PPP1R7: variants seen among roughly 807,000 people sequenced by gnomAD.
PPP1R7 encodes the protein protein phosphatase 1 regulatory subunit 7.
PPP1R7 carries 18 observed loss-of-function variants against 45.2 expected under a neutral mutation model. That is an observed-to-expected ratio of 0.40 (90% CI 0.28 to 0.59). The LOEUF (loss-of-function observed/expected upper bound fraction) is 0.59, where lower values mean the gene tolerates loss of function less well. PPP1R7 is among the 20% of genes least tolerant of loss of function. The probability of loss-of-function intolerance (pLI) is 0.46; values close to 1 mark genes in which losing one functional copy is unlikely to be tolerated. For missense variants in PPP1R7, 314 were observed against 455.8 expected, an observed-to-expected ratio of 0.69 and a Z score of 2.83; for synonymous variants, 181 against 183.4, an observed-to-expected ratio of 0.99 and a Z score of 0.11.
chr2:241,178,141 G>A (rs1245977639), intron 9 of PPP1R7, among the ~76,000 whole-genome samples: 1 of 152,184 alleles, frequency 6.6e-6, no homozygotes, highest in African/African-American at 2.4e-5. Context: ...CACAGGTAGG[G>A]GCTGCTCGAG....
chr2:241,166,533 C>A, intron 8 of PPP1R7, 92 bp downstream of exon 8: 1 of 1,083,990 alleles, frequency 9.2e-7, no homozygotes, highest in Non-Finnish European at 1.4e-6. Flanking sequence ...GCCTCTCGGG[C>A]CGGTGTCAGG....
Position 241,150,475 on chromosome 2 carries a change from G to C in PPP1R7, c.-21G>C. 1 of 1,590,758 alleles carries C rather than the reference G, an allele frequency of 6.3e-7. No homozygotes were observed. On this transcript the variant is annotated 5_prime_UTR_variant, in exon 1 of 10. Transcript: ENST00000234038. ...GAGGGGTCTGAGGCGACAGATTCCGGAAAGGGGAAGAGCAGCCAACATGGC... is the reference window on the plus strand; with the variant it reads ...GAGGGGTCTGAGGCGACAGATTCCGCAAAGGGGAAGAGCAGCCAACATGGC...
Position 241,182,796 on chromosome 2 carries a change from G to A in PPP1R7, c.1056G>A (p.Gln352=). Residue 352 remains glutamine (Q), a synonymous_variant, in exon 10 of 10, where the codon CAG becomes CAA. Coordinates refer to ENST00000234038, the MANE Select transcript of PPP1R7 (RefSeq NM_002712.3). ...KVMLALPSVR[Q]IDATFVRF ...TGCTCGCCCTCCCCTCCGTGCGGCA[G>A]ATCGATGCCACGTTCGTCAGGTTCT... 1 of 1,613,544 alleles carries A rather than the reference G, an allele frequency of 6.2e-7. No individual in the cohort carries two copies. The highest frequency in any genetic ancestry group is 8.5e-7 in the Non-Finnish European group (1 of 1,179,498).
chr2:241,151,149 C>T (rs1048625939), intron 1 of PPP1R7, among the ~76,000 whole-genome samples: 2 of 152,298 alleles, frequency 1.3e-5, no homozygotes. Flanking sequence ...ATATGTTATA[C>T]GTACACATGT....
At chr2:241,168,825 A>AG (rs1394427521) in intron 8 of PPP1R7, among the ~76,000 whole-genome samples, 1 of 152,192 alleles carries the variant, frequency 6.6e-6, no homozygotes, top group African/African-American at 2.4e-5. Flanking sequence ...GGTACATTTC[A>AG]GGGGAGATGG....
intron 9 of PPP1R7, among the ~76,000 whole-genome samples, chr2:241,177,029 G>A (rs2067920183): frequency 6.6e-6 from 1 of 152,190 alleles, no homozygotes; most frequent in Non-Finnish European, 1.5e-5. Context: ...TCAGGAGTTT[G>A]AGACTAGTCT....
chr2:241,183,298 C>T lies in PPP1R7; in HGVS notation c.*475C>T, dbSNP rs1325722336. ...AGGTTTTTTAGTCTTTTAACCCAGC[C>T]ATTTTCAATTTTTTAAAAATTAGGT... On this transcript the variant is annotated 3_prime_UTR_variant, in exon 10 of 10. Transcript: ENST00000234038. 2.3e-6 allele frequency: 1 copy of T among 432,976 alleles called. No homozygotes were observed. The highest frequency in any genetic ancestry group is 4.8e-6 in the Non-Finnish European group (1 of 209,848). 26.8% of individuals were successfully genotyped at this position (432,976 alleles called of 1,614,324 possible).
At chr2:241,168,358 C>G (rs2067756716) in intron 8 of PPP1R7, among the ~76,000 whole-genome samples, 1 of 152,158 alleles carries the variant, frequency 6.6e-6, no homozygotes, top group South Asian at 2.1e-4. Flanking sequence ...GCGTGTGTTC[C>G]AGGCCACTTT....
intron 2 of PPP1R7, 80 bp from the exon 3 acceptor site, chr2:241,157,727 G>T: frequency 7.1e-7 from 1 of 1,411,696 alleles, no homozygotes. Flanking sequence ...AACAGCCCCA[G>T]ACCTCAGCCA....
chr2:241,179,782 C>T (rs903481991), intron 9 of PPP1R7, among the ~76,000 whole-genome samples: 1 of 152,196 alleles, frequency 6.6e-6, no homozygotes, highest in Non-Finnish European at 1.5e-5. Context: ...GACAGAGTCT[C>T]ATACAAGTGA....
At chr2:241,170,027 G>T in intron 9 of PPP1R7, 160 bp downstream of exon 9, 1 of 601,666 alleles carries the variant, frequency 1.7e-6, no homozygotes, top group Non-Finnish European at 3.0e-6. Context: ...GACTTGTATT[G>T]GGTGTTGTCT....
intron 8 of PPP1R7, among the ~76,000 whole-genome samples, chr2:241,168,890 G>A (rs1434809739): frequency 6.6e-6 from 1 of 152,184 alleles, no homozygotes; most frequent in African/African-American, 2.4e-5. Context: ...AAACTTAGAA[G>A]GCTTTGGAAT....
intron 1 of PPP1R7, among the ~76,000 whole-genome samples, chr2:241,152,881 C>T (rs1030631339): frequency 2.0e-5 from 3 of 152,232 alleles, no homozygotes; most frequent in Admixed American, 2.0e-4. Context: ...TGCTAACACT[C>T]TGTCCAGTGT....
intron 9 of PPP1R7, among the ~76,000 whole-genome samples, chr2:241,176,144 C>T (rs1443327875): frequency 6.6e-6 from 1 of 152,172 alleles, no homozygotes; most frequent in African/African-American, 2.4e-5. Context: ...AACTCCTGAA[C>T]TCAAGCAATC....
upstream of PPP1R7, chr2:241,149,705 A>C: frequency 6.4e-7 from 1 of 1,551,242 alleles, no homozygotes; most frequent in South Asian, 1.2e-5. Flanking sequence ...CGCGATCAAA[A>C]TGGGTGAGTA....
At chr2:241,182,304 A>G (rs1370455910) in intron 9 of PPP1R7, among the ~76,000 whole-genome samples, 1 of 152,224 alleles carries the variant, frequency 6.6e-6, no homozygotes, top group Admixed American at 6.5e-5. Flanking sequence ...ACTGGTTTGT[A>G]GAAAGTGCAG....
rs780500587 is a variant in PPP1R7, at chr2:241,182,776, G to A, written c.1036G>A (p.Ala346Thr). Residue 346 changes from alanine (A) to threonine (T), a missense_variant, in exon 10 of 10, where the codon GCC (alanine) becomes ACC (threonine). By Grantham distance (58) the Ala-to-Thr change is moderately conservative (BLOSUM62 0). Coordinates refer to ENST00000234038, the MANE Select transcript of PPP1R7 (RefSeq NM_002712.3). ...DPQYRRKVML[A>T]LPSVRQIDAT... The stretch of plus-strand genomic sequence containing the variant: ...CCAGTACCGGCGGAAGGTCATGCTC[G>A]CCCTCCCCTCCGTGCGGCAGATCGA... 6.2e-6 allele frequency: 10 copies of A among 1,614,132 alleles called. No individual in the cohort carries two copies. The highest frequency in any genetic ancestry group is 1.6e-4 in the Middle Eastern group (1 of 6,062).
chr2:241,159,025 TAAGGA>T (rs905757525), intron 4 of PPP1R7, 183 bp from the exon 5 acceptor site: 10 of 663,978 alleles, frequency 1.5e-5, no homozygotes, highest in African/African-American at 1.1e-4. Context: ...TCAGGTGTGT[TAAGGA>T]ATTATAGCTT....
rs557769541 is a variant in PPP1R7, at chr2:241,171,659, A to C, written c.906+1792A>C. 4.6e-5 allele frequency among the ~76,000 whole-genome samples: 7 copies of C among 152,308 alleles called. No individual in the cohort carries two copies. In the East Asian group the frequency reaches 1.4e-3, roughly 29 times the overall value. On this transcript the variant is annotated intron_variant, in intron 9 of 9. Coordinates refer to ENST00000234038, the MANE Select transcript of PPP1R7 (RefSeq NM_002712.3). ...TGAAACCTTCCAACTATAATTGTCA[A>C]TGGATCCATTTCTCCTTTCAGTTCC... is the stretch of plus-strand genomic sequence containing the variant.
Sources: allele counts gnomAD v4.1 joint callset (sites outside exome capture counted in the v4.1 genomes callset), GRCh38; gene constraint gnomAD v4.1.1; transcripts MANE v1.5; gene names NCBI Gene and HGNC (gene_info 2026-07-23, HGNC 2026-07-21).